Variants in SNTG1 observed in about 807,000 individuals in gnomAD.
SNTG1 encodes syntrophin gamma 1.
A neutral mutation model predicts 74.7 loss-of-function variants in SNTG1; 39 were observed. The ratio of observed to expected loss-of-function variants is 0.52; its 90% CI spans 0.40 to 0.68. The LOEUF (loss-of-function observed/expected upper bound fraction) is 0.68. Among genes scored for constraint, SNTG1 ranks in the 30% least tolerant of loss-of-function variants. SNTG1 has a pLI of 0.00. For synonymous variants in SNTG1, 254 were observed against 217.1 expected (o/e 1.17, Z -1.49); for missense variants, 685 against 609.5 (o/e 1.12, Z -1.30).
chr8:50,339,014 G>A (rs2091237844), intron 2 of SNTG1, among the ~76,000 whole-genome samples: 1 of 151,986 alleles, frequency 6.6e-6, no homozygotes, highest in South Asian at 2.1e-4. Flanking sequence ...TTTTATAGAA[G>A]CTGCAGAAAA....
intron 8 of SNTG1, among the ~76,000 whole-genome samples, chr8:50,495,266 GA>G (rs1433655320): frequency 3.9e-5 from 6 of 151,922 alleles, no homozygotes; most frequent in Non-Finnish European, 8.8e-5. Flanking sequence ...TTAAAATGCA[GA>G]AAAAAATAAT....
Position 50,391,013 on chromosome 8 carries a change from C to T in SNTG1, c.-27-3199C>T, listed in dbSNP as rs28789069. On this transcript the variant is annotated intron_variant, in intron 2 of 18. Coordinates refer to ENST00000642720, the MANE Select transcript of SNTG1 (RefSeq NM_018967.5). The stretch of plus-strand genomic sequence containing the variant: ...TCTAAATATACAATCATGTCATCTG[C>T]AAACAGGGACAATTTGACTTCCTCT... Among the ~76,000 whole-genome samples the T allele has an allele frequency of 5.1e-3, 784 of 152,266 alleles. 5 individuals are homozygous for T. Among genetic ancestry groups the T allele is most frequent in the African/African-American group, 0.018 (742 of 41,548 alleles).
chr8:50,069,154 G>C (rs140195790), intron 1 of SNTG1, among the ~76,000 whole-genome samples: 93 of 152,270 alleles, frequency 6.1e-4, no homozygotes, highest in Middle Eastern at 3.4e-3. Flanking sequence ...TATAAATTAA[G>C]TATCCAAGAA....
intron 1 of SNTG1, among the ~76,000 whole-genome samples, chr8:49,994,680 C>T (rs1215142167): frequency 6.6e-6 from 1 of 151,832 alleles, no homozygotes; most frequent in African/African-American, 2.4e-5. Flanking sequence ...AATATAATCT[C>T]CTCACTTTGA....
At chr8:50,392,983 A>G (rs1338852717) in intron 2 of SNTG1, among the ~76,000 whole-genome samples, 1 of 152,134 alleles carries the variant, frequency 6.6e-6, no homozygotes, top group Non-Finnish European at 1.5e-5. Flanking sequence ...ATACATATCA[A>G]AATTTTCCTT....
intron 2 of SNTG1, among the ~76,000 whole-genome samples, chr8:50,294,088 T>C (rs188624732): frequency 7.9e-5 from 12 of 152,294 alleles, no homozygotes; most frequent in African/African-American, 2.4e-4. Context: ...GGTACACATG[T>C]CTACTTTCTC....
intron 5 of SNTG1, among the ~76,000 whole-genome samples, chr8:50,443,453 T>TA (rs557997766): frequency 2.0e-4 from 30 of 152,184 alleles, no homozygotes; most frequent in Middle Eastern, 6.9e-3. Context: ...ACTACAGCAG[T>TA]AAAAAATAGA....
intron 11 of SNTG1, among the ~76,000 whole-genome samples, chr8:50,545,289 C>A (rs867975150): frequency 2.0e-5 from 3 of 151,172 alleles, no homozygotes; most frequent in Middle Eastern, 3.4e-3. Context: ...AATGTAATGA[C>A]CCTGATTCAG....
intron 2 of SNTG1, among the ~76,000 whole-genome samples, chr8:50,215,625 A>C (rs1305261822): frequency 6.6e-6 from 1 of 151,876 alleles, no homozygotes; most frequent in Non-Finnish European, 1.5e-5. Flanking sequence ...CTTAATTTAA[A>C]AAATAATTTT....
intron 4 of SNTG1, among the ~76,000 whole-genome samples, chr8:50,422,002 T>C (rs957497020): frequency 6.6e-6 from 1 of 152,162 alleles, no homozygotes; most frequent in Non-Finnish European, 1.5e-5. Context: ...CAAGCCTCTA[T>C]AGAGTAAATG....
chr8:50,048,671 T>C (rs1199056492), intron 1 of SNTG1, among the ~76,000 whole-genome samples: 1 of 152,184 alleles, frequency 6.6e-6, no homozygotes, highest in African/African-American at 2.4e-5. Flanking sequence ...TAGTTCTGTT[T>C]TGTAGAATGT....
At chr8:50,575,994 T>C (rs2094574632) in intron 12 of SNTG1, among the ~76,000 whole-genome samples, 1 of 152,204 alleles carries the variant, frequency 6.6e-6, no homozygotes, top group Non-Finnish European at 1.5e-5. Flanking sequence ...TAGTAGATTT[T>C]CTTAAATTTG....
chr8:50,077,067 A>G (rs952962796), intron 1 of SNTG1, among the ~76,000 whole-genome samples: 6 of 152,172 alleles, frequency 3.9e-5, no homozygotes, highest in East Asian at 1.9e-4. Context: ...TTAACGTTCT[A>G]TATTTACTCC....
chr8:50,510,582 A>C (rs368349925), intron 9 of SNTG1, among the ~76,000 whole-genome samples: 1 of 152,100 alleles, frequency 6.6e-6, no homozygotes, highest in Non-Finnish European at 1.5e-5. Flanking sequence ...AATTATTGCC[A>C]CAATTTCAGA....
intron 2 of SNTG1, among the ~76,000 whole-genome samples, chr8:50,208,870 G>C (rs1050774641): frequency 1.3e-5 from 2 of 152,164 alleles, no homozygotes; most frequent in Non-Finnish European, 2.9e-5. Flanking sequence ...TCCAAGTGAG[G>C]TACCAGGTTC....
At chr8:50,669,308 G>GA (rs2095266657) in intron 15 of SNTG1, among the ~76,000 whole-genome samples, 1 of 151,380 alleles carries the variant, frequency 6.6e-6, no homozygotes, top group African/African-American at 2.4e-5. Flanking sequence ...GACTAATAAA[G>GA]AAAAAAGAGA....
intron 18 of SNTG1, among the ~76,000 whole-genome samples, chr8:50,790,945 T>C (rs1031020971): frequency 6.6e-6 from 1 of 152,088 alleles, no homozygotes; most frequent in African/African-American, 2.4e-5. Context: ...TTTGCCATAC[T>C]ATTTTCACCC....
At chr8:49,915,149 T>G (rs1157156126) in intron 1 of SNTG1, 1 of 152,316 alleles carries the variant, frequency 6.6e-6, no homozygotes, top group East Asian at 1.9e-4. Flanking sequence ...AGCTGAATTT[T>G]TCTTCCTTAA....
intron 8 of SNTG1, among the ~76,000 whole-genome samples, chr8:50,462,503 T>G (rs2093572656): frequency 9.7e-6 from 1 of 103,046 alleles, no homozygotes; most frequent in South Asian, 3.7e-4. Context: ...CCACATCTAT[T>G]GGCTCTTCCT....
Sources: gnomAD v4.1 joint callset for allele counts (sites outside exome capture counted in the v4.1 genomes callset) on GRCh38, gnomAD v4.1.1 for gene constraint, MANE v1.5 for transcripts, NCBI Gene and HGNC (gene_info 2026-07-23, HGNC 2026-07-21) for gene names.